Variants in RADX observed in about 807,000 individuals in gnomAD.
The protein encoded by RADX is RPA-related protein RADX.
Under a neutral mutation model 61.6 loss-of-function variants are expected in RADX, and 36 were observed. The ratio of observed to expected loss-of-function variants is 0.58; its 90% CI spans 0.45 to 0.77. The LOEUF is 0.77. RADX is among the 30% of genes least tolerant of loss of function. RADX has a pLI of 0.00. For synonymous variants in RADX, 272 were observed against 237.9 expected (o/e 1.14, Z -1.32); for missense variants, 497 against 651.1 (o/e 0.76, Z 2.58).
chrX:106,627,939 G>A (rs893182031), intron 3 of RADX, among the ~76,000 whole-genome samples: 40 of 111,646 alleles, frequency 3.6e-4, no homozygotes, highest in African/African-American at 1.2e-3. Context: ...GGGTTCCAGC[G>A]ATTCTCCTGC....
chrX:106,638,363 C>G (rs1927414724), intron 8 of RADX: 1 of 110,878 alleles, frequency 9.0e-6, no homozygotes, highest in Non-Finnish European at 1.9e-5. Context: ...CCCGGGTTCA[C>G]GCCATTCTCC....
At chrX:106,631,802 G>GA (rs1556295889) in intron 3 of RADX, among the ~76,000 whole-genome samples, 5 of 100,988 alleles carry the variant, frequency 5.0e-5, no homozygotes, top group African/African-American at 1.8e-4. Flanking sequence ...GAGAAAGAAA[G>GA]AAGAAAGAAA....
intron 13 of RADX, among the ~76,000 whole-genome samples, chrX:106,676,978 AT>A (rs1476785655): frequency 2.7e-5 from 3 of 111,725 alleles, no homozygotes; most frequent in Non-Finnish European, 1.9e-5. Context: ...CCTGCCCAGG[AT>A]TTTTTGGTTT....
intron 3 of RADX, among the ~76,000 whole-genome samples, chrX:106,629,159 T>C (rs1269243809): frequency 3.6e-5 from 4 of 111,773 alleles, no homozygotes; most frequent in African/African-American, 1.3e-4. Flanking sequence ...TGCATATTGA[T>C]TGGATGATAG....
chrX:106,650,570 G>T (rs1052639297), intron 11 of RADX, among the ~76,000 whole-genome samples: 1 of 110,510 alleles, frequency 9.0e-6, no homozygotes, highest in Non-Finnish European at 1.9e-5. Flanking sequence ...GCTTTGAAAC[G>T]TATGTTTATT....
chrX:106,661,350 T>C (rs1928087246), intron 11 of RADX, among the ~76,000 whole-genome samples: 1 of 102,928 alleles, frequency 9.7e-6, no homozygotes, highest in East Asian at 2.9e-4. Flanking sequence ...TGTTTTTCGT[T>C]TTTGTTTTGT....
chrX:106,671,914 T>A (rs1205150043), intron 13 of RADX, among the ~76,000 whole-genome samples: 1 of 111,598 alleles, frequency 9.0e-6, no homozygotes, highest in East Asian at 2.8e-4. Flanking sequence ...TTACAAAGAT[T>A]TTTACCCAGT....
At chrX:106,674,704 T>G (rs1928459844) in intron 13 of RADX, among the ~76,000 whole-genome samples, 1 of 111,997 alleles carries the variant, frequency 8.9e-6, no homozygotes, top group Non-Finnish European at 1.9e-5. Flanking sequence ...TTAATCCATT[T>G]GGAATTTATT....
At position 106,643,821 on chromosome X, in the gene RADX, A is replaced by T. The variant is rs61429542; in HGVS notation, c.1904+3100A>T. Among the ~76,000 whole-genome samples, 413 of 111,265 alleles carry T rather than the reference A, an allele frequency of 3.7e-3. 1 individual carries two copies. The highest frequency in any genetic ancestry group is 0.013 in the African/African-American group (387 of 30,505). On this transcript the variant is annotated intron_variant, in intron 10 of 13. Transcript: ENST00000372548. ...TTTTTCTGTTTCTGTGAAGAATGTC[A>T]TTGGTATTTTGGCAGGGATTGCATT...
chrX:106,671,211 A>G (rs1389836972), intron 13 of RADX, among the ~76,000 whole-genome samples: 1 of 111,937 alleles, frequency 8.9e-6, no homozygotes, highest in Admixed American at 9.5e-5. Context: ...ATTAGTAAAC[A>G]TATGGTTCTA....
At chrX:106,639,435 AT>A in intron 8 of RADX, 91 bp from the exon 9 acceptor site, 1 of 764,844 alleles carries the variant, frequency 1.3e-6, no homozygotes, top group Non-Finnish European at 1.9e-6. Flanking sequence ...TAAGTTTATA[AT>A]TTTGTGTTGT....
intron 10 of RADX, among the ~76,000 whole-genome samples, chrX:106,641,333 C>T (rs1927508752): frequency 9.0e-6 from 1 of 110,714 alleles, no homozygotes; most frequent in East Asian, 2.9e-4. Context: ...CTCATCACAA[C>T]ATCCCCAAAA....
chrX:106,654,808 G>A (rs1403516081), intron 11 of RADX, among the ~76,000 whole-genome samples: 1 of 111,673 alleles, frequency 9.0e-6, no homozygotes, highest in East Asian at 2.8e-4. Context: ...TCATCAGAGT[G>A]AACAGGCAAC....
At chrX:106,675,942 A>G (rs939596945) in intron 13 of RADX, among the ~76,000 whole-genome samples, 1 of 111,774 alleles carries the variant, frequency 8.9e-6, no homozygotes, top group Non-Finnish European at 1.9e-5. Context: ...AAAATACCCT[A>G]TGATGTAGGT....
chrX:106,633,539 T>C (rs1318261061), intron 6 of RADX, among the ~76,000 whole-genome samples: 2 of 111,727 alleles, frequency 1.8e-5, no homozygotes, highest in Non-Finnish European at 3.8e-5. Flanking sequence ...ATCCTTAAAT[T>C]TCAATAAGAC....
chrX:106,612,524 G>A lies in RADX; in HGVS notation c.444G>A (p.Leu148=), dbSNP rs780176470. The stretch of plus-strand genomic sequence containing the variant: ...AGAAAAGGATAGGCCAGGGGATCCT[G>A]TGCATAGATAACGTCCACTGTGGGG... ...YNEKRIGQGI[L]CIDNVHCGET... is the part of the protein sequence containing the mutation. Residue 148 remains leucine (L), a synonymous_variant, in exon 1 of 14, where the codon CTG becomes CTA. Transcript: ENST00000372548. 1 of 1,210,945 alleles carries A rather than the reference G, an allele frequency of 8.3e-7. No individual in the cohort carries two copies. Among genetic ancestry groups the A allele is most frequent in the South Asian group, 1.8e-5 (1 of 56,956 alleles).
chrX:106,637,967 T>G, intron 8 of RADX, 43 bp downstream of exon 8: 4 of 1,019,508 alleles, frequency 3.9e-6, no homozygotes, highest in Non-Finnish European at 5.5e-6. Context: ...GTTTATATTT[T>G]ATATGTATGG....
intron 11 of RADX, among the ~76,000 whole-genome samples, chrX:106,652,550 G>A (rs1172310997): frequency 1.8e-5 from 2 of 109,910 alleles, no homozygotes; most frequent in Admixed American, 2.0e-4. Context: ...TAAGAATACA[G>A]TAACAATCAT....
At position 106,678,741 on chromosome X, in the gene RADX, A is replaced by G. The variant is rs900791292; in HGVS notation, c.*483A>G. 5.3e-5 allele frequency: 6 copies of G among 112,406 alleles called. No individual in the cohort carries two copies. The highest frequency in any genetic ancestry group is 1.9e-4 in the African/African-American group (6 of 30,844). The allele number at this position is 112,406 out of a possible 1,213,427, so 9.3% of individuals were successfully genotyped here. A position where few individuals can be genotyped will look rare whatever the true frequency, so the allele number is the denominator to read the frequency against. ...TCTTACAACCAAGGTAGTTTGTATC[A>G]TTTTCAAAAGTACACATTATTAGGG... On this transcript the variant is annotated 3_prime_UTR_variant, in exon 14 of 14. Transcript: ENST00000372548.
Sources: gnomAD v4.1 joint callset for allele counts (sites outside exome capture counted in the v4.1 genomes callset) on GRCh38, gnomAD v4.1.1 for gene constraint, MANE v1.5 for transcripts, NCBI Gene and HGNC (gene_info 2026-07-23, HGNC 2026-07-21) for gene names.